TMEM120B: variants seen among roughly 807,000 people sequenced by gnomAD.
TMEM120B encodes transmembrane protein 120B.
Under a neutral mutation model 55.5 loss-of-function variants are expected in TMEM120B, and 31 were observed. The ratio of observed to expected loss-of-function variants is 0.56; its 90% confidence interval spans 0.42 to 0.75. The LOEUF is 0.75. TMEM120B is among the 30% of genes least tolerant of loss of function. TMEM120B has a pLI of 0.00. For synonymous variants in TMEM120B, 203 were observed against 176.3 expected (o/e 1.15, Z -1.20); for missense variants, 399 against 425.5 (o/e 0.94, Z 0.55).
chr12:121,746,482 C>T (rs543754051), intron 2 of TMEM120B, among the ~76,000 whole-genome samples: 2 of 152,070 alleles, frequency 1.3e-5, no homozygotes, highest in Non-Finnish European at 2.9e-5. Context: ...CCACTGCACC[C>T]GGCCTTGGTT....
intron 5 of TMEM120B, chr12:121,758,186 C>T (rs750680759): frequency 2.3e-4 from 225 of 985,450 alleles, no homozygotes; most frequent in Non-Finnish European, 2.6e-4. Flanking sequence ...CTCAGAGGGG[C>T]GTCTGTCACT....
intron 4 of TMEM120B, 53 bp downstream of exon 4, chr12:121,750,492 C>A (rs1261285181): frequency 4.3e-6 from 6 of 1,408,772 alleles, no homozygotes; most frequent in Non-Finnish European, 6.0e-6. Flanking sequence ...GCCCCCACAC[C>A]CACACCCACA....
rs2137486995 is a variant in TMEM120B, at chr12:121,781,279, C to G, written c.*5557C>G. ...GAAGGGGAAGGGGCCAGGCAAGTGA[C>G]CCTGCCTTAGGGCCTCAATTTCCTC... is the stretch of plus-strand genomic sequence containing the variant. On this transcript the variant is annotated 3_prime_UTR_variant, in exon 12 of 12. Transcript: ENST00000449592. 12 of 1,240,596 alleles carry G rather than the reference C, an allele frequency of 9.7e-6. No homozygotes were observed. The highest frequency in any genetic ancestry group is 1.4e-5 in the Non-Finnish European group (12 of 864,278). 76.8% of individuals were successfully genotyped at this position (1,240,596 alleles called of 1,614,324 possible).
In TMEM120B at chr12:121,779,366, T is replaced by C; in HGVS notation, c.*3644T>C. 4 of 938,026 alleles carry C rather than the reference T, an allele frequency of 4.3e-6. No individual in the cohort carries two copies. Among genetic ancestry groups the C allele is most frequent in the Non-Finnish European group, 6.3e-6 (4 of 639,820 alleles). 58.1% of individuals were successfully genotyped at this position (938,026 alleles called of 1,614,324 possible). On this transcript the variant is annotated 3_prime_UTR_variant, in exon 12 of 12. Coordinates refer to ENST00000449592, the MANE Select transcript of TMEM120B (RefSeq NM_001080825.2). ...GCCAGGAAAGGAGAGAGTTCCAGAA[T>C]GTTCCAAGAGTCTAGCCGCAGGCCC...
At chr12:121,729,073 A>C (rs528177493) in intron 1 of TMEM120B, among the ~76,000 whole-genome samples, 1 of 152,202 alleles carries the variant, frequency 6.6e-6, no homozygotes, top group Non-Finnish European at 1.5e-5. Context: ...CCCTGCTTCT[A>C]GCCACATTTC....
At chr12:121,754,069 T>C (rs1873410323) in intron 5 of TMEM120B, among the ~76,000 whole-genome samples, 1 of 152,232 alleles carries the variant, frequency 6.6e-6, no homozygotes, top group Non-Finnish European at 1.5e-5. Flanking sequence ...ATTTGGCCTA[T>C]GTGCCAAGCG....
chr12:121,776,157 T>G lies in TMEM120B; in HGVS notation c.*435T>G. On this transcript the variant is annotated 3_prime_UTR_variant, in exon 12 of 12. Transcript: ENST00000449592. ...GGTGGTGTGAACCCTCAGTGTCCTGTGGCGCCCCCACCCCGGGGCCACTCT... is the reference window on the plus strand; with the variant it reads ...GGTGGTGTGAACCCTCAGTGTCCTGGGGCGCCCCCACCCCGGGGCCACTCT... 1 of 372,188 alleles carries G rather than the reference T, an allele frequency of 2.7e-6. No individual in the cohort carries two copies. Among genetic ancestry groups the G allele is most frequent in the Non-Finnish European group, 4.8e-6 (1 of 208,278 alleles). 23.1% of individuals were successfully genotyped at this position (372,188 alleles called of 1,614,324 possible). A position where few individuals can be genotyped will look rare whatever the true frequency, so the allele number is the denominator to read the frequency against.
At chr12:121,734,776 G>A (rs1468602102) in intron 1 of TMEM120B, among the ~76,000 whole-genome samples, 1 of 151,966 alleles carries the variant, frequency 6.6e-6, no homozygotes, top group Non-Finnish European at 1.5e-5. Context: ...AGCTGGGCGT[G>A]ATGGCAGGTG....
intron 3 of TMEM120B, among the ~76,000 whole-genome samples, chr12:121,750,093 A>G (rs1232372094): frequency 6.6e-6 from 1 of 151,968 alleles, no homozygotes; most frequent in Admixed American, 6.6e-5. Context: ...CTCATTGGCT[A>G]TGCTTAGTCA....
At position 121,743,740 on chromosome 12, in the gene TMEM120B, C is replaced by G. The variant is rs377731452; in HGVS notation, c.181C>G (p.Leu61Val). The G allele has an allele frequency of 4.3e-6, 7 of 1,611,598 alleles. No individual in the cohort carries two copies. Among genetic ancestry groups the G allele is most frequent in the Non-Finnish European group, 5.9e-6 (7 of 1,178,676 alleles). Residue 61 changes from leucine to valine, a missense_variant, in exon 2 of 12, where the codon CTC (leucine) becomes GTC (valine). Physicochemically the swap from Leu to Val is conservative, Grantham distance 32 (BLOSUM62 1). Transcript: ENST00000449592. ...KKHLKDLKLT[L>V]QRCKRHASRE... is the part of the protein sequence containing the mutation. ...GCACCTCAAGGACTTGAAGCTTACA[C>G]TCCAGAGGTAGGTGCAGCTGTAGCC...
At chr12:121,740,071 G>T (rs1002385156) in intron 1 of TMEM120B, among the ~76,000 whole-genome samples, 1 of 152,036 alleles carries the variant, frequency 6.6e-6, no homozygotes, top group South Asian at 2.1e-4. Context: ...GAGCCAACGC[G>T]CCCGGCGACT....
Position 121,778,669 on chromosome 12 carries a change from G to A in TMEM120B, c.*2947G>A, listed in dbSNP as rs1319878454. ...CAGGCTGGTAGAAGCGGGGCTTGAG[G>A]GACAGCAGGTTGGGAGCTTGAGGAC... is the stretch of plus-strand genomic sequence containing the variant. On this transcript the variant is annotated 3_prime_UTR_variant, in exon 12 of 12. Transcript: ENST00000449592. 3 of 152,168 alleles carry A rather than the reference G, an allele frequency of 2.0e-5. No homozygotes were observed. Among genetic ancestry groups the A allele is most frequent in the African/African-American group, 7.2e-5 (3 of 41,380 alleles). The allele number at this position is 152,168 out of a possible 1,614,324, so 9.4% of individuals were successfully genotyped here.
intron 6 of TMEM120B, among the ~76,000 whole-genome samples, chr12:121,765,318 TG>T (rs1373625571): frequency 3.9e-5 from 6 of 151,988 alleles, no homozygotes; most frequent in African/African-American, 1.2e-4. Flanking sequence ...TTAGTAGAGA[TG>T]GGGTTTCACC....
In TMEM120B at chr12:121,775,539, T is replaced by G. The variant is rs1350104363; in HGVS notation, c.907-70T>G. The stretch of plus-strand genomic sequence containing the variant: ...TTGGGGGCAGCTGTGCTGGAGATTC[T>G]GGGGTGCTGGGGGCAGGGGTTCAGC... On this transcript the variant is annotated intron_variant, in intron 11 of 11. Transcript: ENST00000449592. The surrounding 1 kb of genome is among the most constrained non-coding windows in gnomAD (Gnocchi z 4.3). 1 of 1,543,268 alleles carries G rather than the reference T, an allele frequency of 6.5e-7. No individual in the cohort carries two copies. Among genetic ancestry groups the G allele is most frequent in the Non-Finnish European group, 8.7e-7 (1 of 1,146,626 alleles).
chr12:121,758,603 C>T (rs1406325114), intron 5 of TMEM120B: 19 of 979,674 alleles, frequency 1.9e-5, no homozygotes, highest in Middle Eastern at 5.3e-4. Flanking sequence ...TGGAGGAGGA[C>T]GGCCCAGCCC....
In TMEM120B at chr12:121,732,283, A is replaced by G. The variant is rs535291757; in HGVS notation, c.70-11346A>G. The stretch of plus-strand genomic sequence containing the variant: ...GCCTTGCGGGTGGAGAATGTGTCAC[A>G]CTAAGGTCCTTGTTTGTGGCTCCCC... On this transcript the variant is annotated intron_variant, in intron 1 of 11. Coordinates refer to ENST00000449592, the MANE Select transcript of TMEM120B (RefSeq NM_001080825.2). Among the ~76,000 whole-genome samples, 6 of 152,318 alleles carry G rather than the reference A, an allele frequency of 3.9e-5. No individual in the cohort carries two copies. The South Asian group carries it at 1.2e-3, about 32-fold the overall frequency.
chr12:121,720,944 T>A (rs988597394), intron 1 of TMEM120B, among the ~76,000 whole-genome samples: 3 of 152,090 alleles, frequency 2.0e-5, no homozygotes, highest in Admixed American at 2.0e-4. Flanking sequence ...CCAAGATGTG[T>A]TAAGGAGGTG....
chr12:121,739,611 T>G (rs573893509), intron 1 of TMEM120B, among the ~76,000 whole-genome samples: 3 of 152,064 alleles, frequency 2.0e-5, no homozygotes, highest in Admixed American at 6.6e-5. Flanking sequence ...TAGCTGGGAC[T>G]ACAGGCGCCC....
intron 1 of TMEM120B, among the ~76,000 whole-genome samples, chr12:121,728,488 C>CAA (rs745979690): frequency 5.8e-5 from 6 of 102,660 alleles, no homozygotes; most frequent in Non-Finnish European, 8.3e-5. Flanking sequence ...GACTCCGTCT[C>CAA]AAAAAAAAAA....
Sources: gnomAD v4.1 joint callset for allele counts (sites outside exome capture counted in the v4.1 genomes callset) on GRCh38, gnomAD v4.1.1 for gene constraint, Gnocchi (gnomAD v3.1) non-coding constraint, MANE v1.5 for transcripts, NCBI Gene and HGNC (gene_info 2026-07-23, HGNC 2026-07-21) for gene names.